Variants in AGBL1 observed in about 807,000 individuals in gnomAD.
AGBL1 encodes the protein AGBL carboxypeptidase 1.
In AGBL1, 130 loss-of-function variants were observed where a neutral mutation model predicts 118.9. The observed-to-expected ratio is 1.09, with a 90% CI of 0.95 to 1.26. AGBL1 has a LOEUF of 1.26. Ranked by LOEUF, AGBL1 falls within the 50% of genes most tolerant of loss-of-function variation. AGBL1 has a pLI of 0.00. For missense variants in AGBL1, 1,584 were observed against 1,298.1 expected (o/e 1.22, Z -3.38); for synonymous variants, 555 against 478.9 (o/e 1.16, Z -2.08).
chr15:86,694,771 T>C (rs1300986597), intron 22 of AGBL1, among the ~76,000 whole-genome samples: 1 of 152,002 alleles, frequency 6.6e-6, no homozygotes, highest in African/African-American at 2.4e-5. Flanking sequence ...ATGTCCCTTG[T>C]ATGCCAATTT....
At chr15:86,343,802 C>A (rs534961075) in intron 17 of AGBL1, among the ~76,000 whole-genome samples, 1 of 152,098 alleles carries the variant, frequency 6.6e-6, no homozygotes, top group Non-Finnish European at 1.5e-5. Context: ...AGAATGTGAC[C>A]AGCAGGTCCT....
intron 18 of AGBL1, among the ~76,000 whole-genome samples, chr15:86,471,854 C>A (rs1261423255): frequency 6.6e-6 from 1 of 152,086 alleles, no homozygotes; most frequent in Non-Finnish European, 1.5e-5. Context: ...TAGGAACCCA[C>A]GAATATGATC....
chr15:86,121,469 G>C (rs184711631), intron 1 of AGBL1, among the ~76,000 whole-genome samples: 128 of 152,318 alleles, frequency 8.4e-4, no homozygotes, highest in Middle Eastern at 6.8e-3. Flanking sequence ...TAAGATTAGA[G>C]TTTCAAACAG....
intron 21 of AGBL1, among the ~76,000 whole-genome samples, chr15:86,640,384 G>A (rs1234443171): frequency 6.6e-6 from 1 of 152,082 alleles, no homozygotes. Flanking sequence ...AAATAGAAAT[G>A]AGATAATAGA....
At chr15:86,946,219 T>G (rs2080818915) in intron 23 of AGBL1, 1 of 152,218 alleles carries the variant, frequency 6.6e-6, no homozygotes, top group Admixed American at 6.5e-5. Flanking sequence ...GGAAGAAGCC[T>G]TTGGAAAAGT....
intron 22 of AGBL1, among the ~76,000 whole-genome samples, chr15:86,876,919 C>T (rs1047517536): frequency 2.0e-5 from 3 of 152,080 alleles, no homozygotes; most frequent in Non-Finnish European, 2.9e-5. Context: ...GCATGCTAAT[C>T]CTGCAGCATT....
intron 17 of AGBL1, among the ~76,000 whole-genome samples, chr15:86,306,767 A>G (rs1419944855): frequency 2.0e-5 from 3 of 152,106 alleles, no homozygotes; most frequent in Non-Finnish European, 4.4e-5. Context: ...GGTTGTACTA[A>G]TTTACATTCC....
chr15:86,825,387 T>TAAAAAAAAAAAAA (rs869042604), intron 22 of AGBL1, among the ~76,000 whole-genome samples: 2 of 11,148 alleles, frequency 1.8e-4, no homozygotes, highest in Non-Finnish European at 2.7e-4. Flanking sequence ...GTAGAAACTG[T>TAAAAAAAAAAAAA]AAAAAAAAAA....
intron 24 of AGBL1, among the ~76,000 whole-genome samples, chr15:87,023,397 TA>T (rs1177485272): frequency 6.6e-6 from 1 of 152,056 alleles, no homozygotes; most frequent in Non-Finnish European, 1.5e-5. Context: ...GGACATTATA[TA>T]ATGATAAAAG....
intron 22 of AGBL1, among the ~76,000 whole-genome samples, chr15:86,683,557 G>A (rs1015283924): frequency 6.6e-6 from 1 of 152,186 alleles, no homozygotes; most frequent in Middle Eastern, 3.2e-3. Context: ...GTGTAGTTAA[G>A]TGATTTACAC....
rs1416225377 is a variant in AGBL1 at position 86,266,227 on chromosome 15, T to G, written c.1668-147T>G. 1.4e-5 allele frequency: 7 copies of G among 503,534 alleles called. No homozygotes were observed. The Admixed American group carries it at 2.5e-4, about 18-fold the overall frequency. The allele number at this position is 503,534 out of a possible 1,614,324, so 31.2% of individuals were successfully genotyped here. A position where few individuals can be genotyped will look rare whatever the true frequency, so the allele number is the denominator to read the frequency against. ...AAGAAGGGCAGGGCTATTTGTATGC[T>G]CTGAGCTCAAAGTTGAGGTGTTATT... is the stretch of plus-strand genomic sequence containing the variant. On this transcript the variant is annotated intron_variant, in intron 11 of 22. Transcript: ENST00000614907.
chr15:86,866,660 C>T (rs981260077), intron 22 of AGBL1, among the ~76,000 whole-genome samples: 1 of 152,148 alleles, frequency 6.6e-6, no homozygotes, highest in African/African-American at 2.4e-5. Context: ...TCAAGACCAG[C>T]CTGGCCAACA....
chr15:86,315,507 A>G (rs1248575684), intron 17 of AGBL1, among the ~76,000 whole-genome samples: 1 of 152,072 alleles, frequency 6.6e-6, no homozygotes, highest in East Asian at 1.9e-4. Context: ...CGAGGTTAGG[A>G]GTTGGAGACC....
intron 6 of AGBL1, among the ~76,000 whole-genome samples, chr15:86,228,930 T>A (rs996283943): frequency 6.6e-6 from 1 of 152,188 alleles, no homozygotes; most frequent in African/African-American, 2.4e-5. Flanking sequence ...TTTCTGTGTC[T>A]ATGTAGGCTG....
At chr15:86,534,570 C>T (rs1324136984) in intron 19 of AGBL1, among the ~76,000 whole-genome samples, 1 of 152,144 alleles carries the variant, frequency 6.6e-6, no homozygotes, top group Non-Finnish European at 1.5e-5. Context: ...ACTCCATTCC[C>T]ATTTTCTTTA....
chr15:86,925,143 A>AGAGGAAGAGGAGGAG (rs1555463567), intron 23 of AGBL1, among the ~76,000 whole-genome samples: 4 of 80,588 alleles, frequency 5.0e-5, no homozygotes, highest in African/African-American at 6.9e-5. Flanking sequence ...AGGAAGAGGA[A>AGAGGAAGAGGAGGAG]GAGGAGGAGG....
chr15:86,653,704 A>T (rs946277450), intron 21 of AGBL1, among the ~76,000 whole-genome samples: 1 of 152,152 alleles, frequency 6.6e-6, no homozygotes. Flanking sequence ...ACAAGCCAGC[A>T]TATCAAGTAT....
Position 86,754,380 on chromosome 15 carries a change from C to A in AGBL1, c.3158+79944C>A, listed in dbSNP as rs115451705. Reference sequence around the variant, plus strand: ...CAAGGGTACCAAGGAATTTAAGCAACAATCAAACAATATTGATTGATTAAT... The same window carrying A: ...CAAGGGTACCAAGGAATTTAAGCAAAAATCAAACAATATTGATTGATTAAT... On this transcript the variant is annotated intron_variant, in intron 22 of 22. Coordinates refer to ENST00000614907, the MANE Select transcript of AGBL1 (RefSeq NM_001386094.1). Among the ~76,000 whole-genome samples the A allele has an allele frequency of 8.8e-3, 1,338 of 152,116 alleles. 22 individuals carry two copies. The highest frequency in any genetic ancestry group is 0.03 in the African/African-American group (1,231 of 41,522).
intron 23 of AGBL1, among the ~76,000 whole-genome samples, chr15:86,932,037 G>T (rs918775017): frequency 6.6e-6 from 1 of 152,066 alleles, no homozygotes; most frequent in Non-Finnish European, 1.5e-5. Context: ...AAGCTGGAAG[G>T]GATTTTAAAT....
Sources: allele counts gnomAD v4.1 joint callset (sites outside exome capture counted in the v4.1 genomes callset), GRCh38; gene constraint gnomAD v4.1.1; transcripts MANE v1.5; gene names NCBI Gene and HGNC (gene_info 2026-07-23, HGNC 2026-07-21).